Variants in DLAT observed in about 807,000 individuals in gnomAD.
The protein encoded by DLAT is dihydrolipoamide S-acetyltransferase.
In DLAT, 43 loss-of-function variants were observed where a neutral mutation model predicts 68.0. The observed-to-expected ratio is 0.63, with a 90% CI of 0.50 to 0.81. The LOEUF is 0.81. Ranked by LOEUF, DLAT falls within the 40% of genes least tolerant of loss-of-function variation. The probability of loss-of-function intolerance (pLI) is 0.00; values close to 1 mark genes in which losing one functional copy is unlikely to be tolerated. For synonymous variants in DLAT, 265 were observed against 288.6 expected, an observed-to-expected ratio of 0.92 and a Z score of 0.83; for missense variants, 745 against 815.4, an observed-to-expected ratio of 0.91 and a Z score of 1.05.
chr11:112,055,466 G>A (rs1302329600), intron 11 of DLAT, among the ~76,000 whole-genome samples: 3 of 151,636 alleles, frequency 2.0e-5, no homozygotes, highest in African/African-American at 7.3e-5. Context: ...GGATGGTCTC[G>A]ATCTCCTGAC....
At position 112,063,854 on chromosome 11, in the gene DLAT, C is replaced by A; in HGVS notation, c.*1319C>A. 2 of 210,358 alleles carry A rather than the reference C, an allele frequency of 9.5e-6. No individual in the cohort carries two copies. The highest frequency in any genetic ancestry group is 9.3e-6 in the Non-Finnish European group (1 of 107,152). 13.0% of individuals were successfully genotyped at this position (210,358 alleles called of 1,614,324 possible). ...ATTAATATTTATGTGTTTTAATAAA[C>A]GTTTGAAATTATTTATGACTACTTA... On this transcript the variant is annotated 3_prime_UTR_variant, in exon 14 of 14. Transcript: ENST00000280346.
rs1861945800 is a variant in DLAT, at chr11:112,025,617, A to T, written c.145A>T (p.Thr49Ser). 6.2e-7 allele frequency: 1 copy of T among 1,613,906 alleles called. No individual in the cohort carries two copies. Among genetic ancestry groups the T allele is most frequent in the Non-Finnish European group, 8.5e-7 (1 of 1,179,980 alleles). ...GPAPARRNSV[T>S]TGYGGVRALC... is the part of the protein sequence containing the mutation. Reference sequence around the variant, plus strand: ...GGCTCCCGCTCGTCGCAACAGCGTGACTACAGGGTATGGCGGGGTCCGGGC... The same window carrying T: ...GGCTCCCGCTCGTCGCAACAGCGTGTCTACAGGGTATGGCGGGGTCCGGGC... The change falls in exon 1 of 14, where the codon ACT (threonine) becomes TCT (serine). Residue 49 changes from threonine to serine, a missense_variant. Coordinates refer to ENST00000280346, the MANE Select transcript of DLAT (RefSeq NM_001931.5).
intron 8 of DLAT, 25 bp downstream of exon 8, chr11:112,043,558 T>G: frequency 6.2e-7 from 1 of 1,602,300 alleles, no homozygotes; most frequent in South Asian, 1.1e-5. Context: ...GCTCTTACTT[T>G]TTTTGCAGTT....
chr11:112,034,768 C>T (rs1184935604), intron 5 of DLAT, among the ~76,000 whole-genome samples: 2 of 150,828 alleles, frequency 1.3e-5, no homozygotes, highest in African/African-American at 2.4e-5. Flanking sequence ...CTCTCTGCAC[C>T]CCCGCTTTTT....
In DLAT at chr11:112,036,201, G is replaced by GTTTTTTTTT. The variant is rs1167345612; in HGVS notation, c.788-1051_788-1043dup. Among the ~76,000 whole-genome samples, 56 of 36,482 alleles carry GTTTTTTTTT rather than the reference G, an allele frequency of 1.5e-3. 7 individuals are homozygous for GTTTTTTTTT. The highest frequency in any genetic ancestry group is 2.8e-3 in the Admixed American group (5 of 1,810). The allele number at this position is 36,482 out of a possible 152,430, so 23.9% of individuals were successfully genotyped here. A position where few individuals can be genotyped will look rare whatever the true frequency, so the allele number is the denominator to read the frequency against. On this transcript the variant is annotated intron_variant, in intron 5 of 13. Transcript: ENST00000280346. Reference sequence around the variant, plus strand: ...TGTGTGTGTGTGTGTGTGTGTGTGTGTTTTTTTTTTTTTTTTTTTTTTTTT... The same window carrying GTTTTTTTTT: ...TGTGTGTGTGTGTGTGTGTGTGTGTGTTTTTTTTTTTTTTTTTTTTTTTTTTTTTTTTTT...
chr11:112,060,961 C>A, intron 12 of DLAT, 77 bp from the exon 13 acceptor site: 1 of 1,369,948 alleles, frequency 7.3e-7, no homozygotes, highest in Non-Finnish European at 1.0e-6. Context: ...AGCTTAAGGT[C>A]TTTTCACAGA....
At chr11:112,042,549 T>A (rs1863102313) in intron 7 of DLAT, among the ~76,000 whole-genome samples, 2 of 152,158 alleles carry the variant, frequency 1.3e-5, no homozygotes. Flanking sequence ...AAGTCTGCCT[T>A]GGGGGAAGAT....
At chr11:112,034,703 A>C (rs1555180250) in intron 5 of DLAT, among the ~76,000 whole-genome samples, 1 of 151,848 alleles carries the variant, frequency 6.6e-6, no homozygotes, top group South Asian at 2.1e-4. Context: ...TGGCCTCCCA[A>C]AGCGCTGGGA....
intron 10 of DLAT, among the ~76,000 whole-genome samples, chr11:112,048,360 G>C (rs1555181649): frequency 6.6e-6 from 1 of 152,188 alleles, no homozygotes; most frequent in African/African-American, 2.4e-5. Context: ...AGCTTAAGGA[G>C]ATTTTGGACT....
intron 5 of DLAT, among the ~76,000 whole-genome samples, chr11:112,036,199 GTGTTTTTTTTTTTTTTT>G (rs1862751938): frequency 1.9e-5 from 1 of 51,900 alleles, no homozygotes; most frequent in African/African-American, 7.4e-5. Context: ...GTGTGTGTGT[GTGTTTTTTTTTTTTTTT>G]TTTTTTTTTT....
Position 112,026,180 on chromosome 11 carries a change from CT to C in DLAT, c.280-16del, listed in dbSNP as rs782539902. The C allele has an allele frequency of 1.3e-6, 2 of 1,588,088 alleles. No individual in the cohort carries two copies. The highest frequency in any genetic ancestry group is 4.5e-5 in the East Asian group (2 of 44,790). ...GTAGTCCTTAAAAATTTTAATGTTT[CT>C]TCTTTTCCTTTTCCAGGTTCCATTG... On this transcript the variant is annotated splice_polypyrimidine_tract_variant and intron_variant, in intron 1 of 13. Transcript: ENST00000280346.
chr11:112,026,133 C>G (rs1194920685), intron 1 of DLAT, 65 bp from the exon 2 acceptor site: 15 of 1,246,550 alleles, frequency 1.2e-5, no homozygotes, highest in Non-Finnish European at 1.7e-5. Context: ...TGAATGAAAT[C>G]TTAAGCCAGA....
intron 6 of DLAT, among the ~76,000 whole-genome samples, chr11:112,037,958 C>T (rs1359619817): frequency 3.9e-5 from 6 of 152,026 alleles, no homozygotes; most frequent in Admixed American, 3.9e-4. Context: ...ACAGTGGAAC[C>T]TTGACATGAC....
chr11:112,030,391 C>T lies in DLAT; in HGVS notation c.660+1446C>T, dbSNP rs201498208. On this transcript the variant is annotated intron_variant, in intron 4 of 13. Transcript: ENST00000280346. ...ATGGCTCTGACCCGGAAACGGAAGT[C>T]GGGGGATCATATTTCAGCATGAGAT... 38 of 414,326 alleles carry T rather than the reference C, an allele frequency of 9.2e-5. 2 individuals carry two copies. Among genetic ancestry groups the T allele is most frequent in the Admixed American group, 7.5e-4 (26 of 34,606 alleles). 25.7% of individuals were successfully genotyped at this position (414,326 alleles called of 1,614,324 possible). A position where few individuals can be genotyped will look rare whatever the true frequency, so the allele number is the denominator to read the frequency against.
At position 112,039,479 on chromosome 11, in the gene DLAT, G is replaced by A. The variant is rs2137764295; in HGVS notation, c.1129+82G>A. The A allele has an allele frequency of 3.7e-6, 5 of 1,347,312 alleles. No individual in the cohort carries two copies. In the East Asian group the frequency reaches 6.9e-5, roughly 19 times the overall value. 83.5% of individuals were successfully genotyped at this position (1,347,312 alleles called of 1,614,324 possible). A position where few individuals can be genotyped will look rare whatever the true frequency, so the allele number is the denominator to read the frequency against. ...CCTTAAGACTTGCAAGTACAACTAT[G>A]TATAGCCGTACTTATAATTGGGATA... On this transcript the variant is annotated intron_variant, in intron 7 of 13. Transcript: ENST00000280346.
chr11:112,029,983 A>T lies in DLAT; in HGVS notation c.660+1038A>T, dbSNP rs587631910. 24 of 1,014,556 alleles carry T rather than the reference A, an allele frequency of 2.4e-5. No homozygotes were observed. In the African/African-American group the frequency reaches 3.5e-4, roughly 15 times the overall value. The allele number at this position is 1,014,556 out of a possible 1,614,324, so 62.8% of individuals were successfully genotyped here. A position where few individuals can be genotyped will look rare whatever the true frequency, so the allele number is the denominator to read the frequency against. ...TTCCCATCCAGCCAATCACACTTAG[A>T]GCAGGTGATAAAGAACTGACAGCCA... On this transcript the variant is annotated intron_variant, in intron 4 of 13. Transcript: ENST00000280346.
intron 4 of DLAT, chr11:112,029,723 C>G: frequency 2.7e-6 from 1 of 373,386 alleles, no homozygotes; most frequent in Non-Finnish European, 5.1e-6. Flanking sequence ...TCCAGGGTCT[C>G]TTGATCAAAT....
chr11:112,035,615 A>C (rs1566616713), intron 5 of DLAT, among the ~76,000 whole-genome samples: 1 of 150,920 alleles, frequency 6.6e-6, no homozygotes, highest in African/African-American at 2.4e-5. Flanking sequence ...GAGCCTCCTG[A>C]GTAGCTGGGA....
intron 11 of DLAT, among the ~76,000 whole-genome samples, chr11:112,055,648 G>A (rs1203392513): frequency 6.6e-6 from 1 of 152,010 alleles, no homozygotes; most frequent in African/African-American, 2.4e-5. Context: ...CTTCTAGGAT[G>A]CTGTTTGGGC....
Sources: gnomAD v4.1 joint callset for allele counts (sites outside exome capture counted in the v4.1 genomes callset) on GRCh38, gnomAD v4.1.1 for gene constraint, MANE v1.5 for transcripts, NCBI Gene and HGNC (gene_info 2026-07-23, HGNC 2026-07-21) for gene names.